Variants in DNAH10 observed in about 807,000 individuals in gnomAD.
The protein encoded by DNAH10 is dynein axonemal heavy chain 10, also known as axonemal beta dynein heavy chain 10.
Under a neutral mutation model 506.6 loss-of-function variants are expected in DNAH10, and 348 were observed. The observed-to-expected ratio is 0.69, with a 90% CI of 0.63 to 0.75. The LOEUF (loss-of-function observed/expected upper bound fraction) is 0.75, where lower values mean the gene tolerates loss of function less well. Among genes scored for constraint, DNAH10 ranks in the 30% least tolerant of loss-of-function variants. The pLI, the probability that DNAH10 is intolerant of heterozygous loss-of-function variation, is 0.00. For missense variants in DNAH10, 5,179 were observed against 5,787.1 expected, an observed-to-expected ratio of 0.89 and a Z score of 3.41; for synonymous variants, 2,059 against 2,198.6, an observed-to-expected ratio of 0.94 and a Z score of 1.78.
At chr12:123,794,540 A>G (rs1241095277) in intron 12 of DNAH10, among the ~76,000 whole-genome samples, 1 of 152,178 alleles carries the variant, frequency 6.6e-6, no homozygotes, top group Non-Finnish European at 1.5e-5. Context: ...AGTTGGAGAA[A>G]TAGACCAAAA....
intron 67 of DNAH10, among the ~76,000 whole-genome samples, 175 bp downstream of exon 67, chr12:123,924,607 G>T (rs1257398795): frequency 6.6e-6 from 1 of 152,076 alleles, no homozygotes; most frequent in East Asian, 1.9e-4. Context: ...TCAGCTAGTT[G>T]TATGGGAGAT....
chr12:123,867,956 C>T lies in DNAH10; in HGVS notation c.7356C>T (p.Asp2452=), dbSNP rs1469893902. ...CGTTGCTAGAAGGAGAAATAGAAGA[C>T]CTTGACCTGCTGGAGTGCTACTTCC... ...LDALLEGEIE[D]LDLLECYFLE... Residue 2452 remains aspartate (D), a synonymous_variant, in exon 43 of 79, where the codon GAC becomes GAT. Transcript: ENST00000673944. 1 of 1,613,918 alleles carries T rather than the reference C, an allele frequency of 6.2e-7. No homozygotes were observed. Among genetic ancestry groups the T allele is most frequent in the Non-Finnish European group, 8.5e-7 (1 of 1,179,876 alleles).
At chr12:123,779,276 A>G (rs989799520) in intron 5 of DNAH10, among the ~76,000 whole-genome samples, 3 of 152,072 alleles carry the variant, frequency 2.0e-5, no homozygotes, top group African/African-American at 7.2e-5. Context: ...CCTGGGCTCA[A>G]GAGATTTTCC....
At chr12:123,804,442 G>A (rs772141911) in intron 17 of DNAH10, among the ~76,000 whole-genome samples, 4 of 151,574 alleles carry the variant, frequency 2.6e-5, no homozygotes, top group East Asian at 3.9e-4. Context: ...GGAGAATGGC[G>A]TGAACCTGGG....
chr12:123,872,114 T>A (rs1336615005), intron 45 of DNAH10, among the ~76,000 whole-genome samples: 1 of 152,096 alleles, frequency 6.6e-6, no homozygotes, highest in East Asian at 1.9e-4. Flanking sequence ...GGGGCCCTTT[T>A]GGAGGCTGGC....
intron 65 of DNAH10, 88 bp from the exon 66 acceptor site, chr12:123,923,675 C>G (rs1294585910): frequency 2.4e-6 from 2 of 821,130 alleles, no homozygotes; most frequent in East Asian, 2.7e-5. Context: ...TTTCATTTAT[C>G]TTACGTTTAA....
chr12:123,779,995 G>A (rs1374921538), intron 5 of DNAH10, among the ~76,000 whole-genome samples: 1 of 152,140 alleles, frequency 6.6e-6, no homozygotes, highest in Non-Finnish European at 1.5e-5. Context: ...TTGTATTCAG[G>A]TGACTTCATA....
At chr12:123,848,634 A>G in intron 33 of DNAH10, 96 bp from the exon 34 acceptor site, 1 of 1,492,046 alleles carries the variant, frequency 6.7e-7, no homozygotes, top group Non-Finnish European at 9.1e-7. Context: ...CAGTGATCTC[A>G]TTGTTTGCTT....
intron 19 of DNAH10, among the ~76,000 whole-genome samples, chr12:123,811,746 G>T (rs1013253508): frequency 1.5e-4 from 23 of 151,990 alleles, no homozygotes; most frequent in Admixed American, 1.0e-3. Context: ...CTTGTGATCC[G>T]CCCACCTCGG....
chr12:123,888,176 C>T (rs1952823201), intron 52 of DNAH10, among the ~76,000 whole-genome samples: 1 of 152,072 alleles, frequency 6.6e-6, no homozygotes. Context: ...TTATGGCACT[C>T]CAGCCTGGGC....
chr12:123,846,082 C>T lies in DNAH10; in HGVS notation c.5742C>T (p.Tyr1914=), dbSNP rs372145244. The change falls in exon 32 of 79, where the codon TAC becomes TAT. Residue 1914 remains tyrosine, a synonymous_variant. Coordinates refer to ENST00000673944, the MANE Select transcript of DNAH10 (RefSeq NM_001372106.1). This position sits in a 1 kb window ranked among gnomAD's most constrained non-coding sequence, Gnocchi z 4.5. ...GCACGGGAACCTTTGGCTACGGCTA[C>T]GAGTACATGGGCCTGAACGGCAGGC... ...RQCTGTFGYG[Y]EYMGLNGRLV... 3.5e-5 allele frequency: 57 copies of T among 1,613,830 alleles called. No homozygotes were observed. The African/African-American group carries it at 3.6e-4, about 10-fold the overall frequency.
chr12:123,793,779 T>C (rs1036377255), intron 11 of DNAH10, among the ~76,000 whole-genome samples, 163 bp from the exon 12 acceptor site: 1 of 152,204 alleles, frequency 6.6e-6, no homozygotes, highest in Non-Finnish European at 1.5e-5. Flanking sequence ...GATCAGGAAA[T>C]CAACATAGCC....
intron 15 of DNAH10, among the ~76,000 whole-genome samples, chr12:123,800,699 G>GA (rs919337123): frequency 3.3e-5 from 5 of 150,034 alleles, no homozygotes; most frequent in East Asian, 2.0e-4. Context: ...AAAAAAAGAA[G>GA]AAAAAAAAAT....
rs537244169 is a variant in DNAH10 at position 123,925,303 on chromosome 12, C to T, written c.11921+99C>T. Reference sequence around the variant, plus strand: ...AAGAAAGCAGAGGCTGACCAGCTCCCGAGACAGCTGTCGCCACCCTGCTGT... The same window carrying T: ...AAGAAAGCAGAGGCTGACCAGCTCCTGAGACAGCTGTCGCCACCCTGCTGT... On this transcript the variant is annotated intron_variant, in intron 68 of 78. Transcript: ENST00000673944. This position sits in a 1 kb window ranked among gnomAD's most constrained non-coding sequence, Gnocchi z 4.0. 24 of 1,536,512 alleles carry T rather than the reference C, an allele frequency of 1.6e-5. No homozygotes were observed. Among genetic ancestry groups the T allele is most frequent in the East Asian group, 2.3e-5 (1 of 44,124 alleles).
rs1951879263 is a variant in DNAH10 at position 123,867,995 on chromosome 12, C to G, written c.7395C>G (p.Tyr2465Ter). 6.2e-7 allele frequency: 1 copy of G among 1,613,784 alleles called. No homozygotes were observed. The highest frequency in any genetic ancestry group is 1.3e-5 in the African/African-American group (1 of 74,892). The change falls in exon 43 of 79, where the codon TAC becomes TAG. Residue 2465 changes from tyrosine to a stop codon, truncating the protein, a stop_gained. Coordinates refer to ENST00000673944, the MANE Select transcript of DNAH10 (RefSeq NM_001372106.1). LOFTEE classifies it high-confidence loss of function. ...LLECYFLEAL[Y>*]CSLGASLLED... ...AGTGCTACTTCCTGGAGGCTTTGTA[C>G]TGCTCTCTGGGAGCCTCCCTGCTTG...
rs1953975493 is a variant in DNAH10 at position 123,909,615 on chromosome 12, A to G, written c.9997+173A>G. Among the ~76,000 whole-genome samples, 1 of 152,340 alleles carries G rather than the reference A, an allele frequency of 6.6e-6. No individual in the cohort carries two copies. The highest frequency in any genetic ancestry group is 6.5e-5 in the Admixed American group (1 of 15,306). ...GTCACCAGAGGAAAACAGCAGCCCC[A>G]TGACGTGACCCAGGGAGAGTGGCTG... On this transcript the variant is annotated intron_variant, in intron 58 of 78. Coordinates refer to ENST00000673944, the MANE Select transcript of DNAH10 (RefSeq NM_001372106.1). This position sits in a 1 kb window ranked among gnomAD's most constrained non-coding sequence, Gnocchi z 5.4.
In DNAH10 at chr12:123,903,102, G is replaced by A. The variant is rs993419851; in HGVS notation, c.9804G>A (p.Val3268=). ...LELQKLDKSD[V]TEIRSFAKPP... ...TGCAGAAGCTGGACAAGTCGGACGT[G>A]ACTGAGATTAGGTAATGCACCTGAG... is the stretch of plus-strand genomic sequence containing the variant. The change falls in exon 57 of 79, where the codon GTG becomes GTA. Residue 3268 remains valine, a synonymous_variant. Transcript: ENST00000673944. This position sits in a 1 kb window ranked among gnomAD's most constrained non-coding sequence, Gnocchi z 4.6. 1.9e-6 allele frequency: 3 copies of A among 1,609,690 alleles called. No homozygotes were observed. In the African/African-American group the frequency reaches 4.0e-5, roughly 22 times the overall value.
At chr12:123,929,523 G>A (rs2137697775) in intron 71 of DNAH10, 39 bp downstream of exon 71, 1 of 1,598,678 alleles carries the variant, frequency 6.3e-7, no homozygotes, top group South Asian at 1.1e-5. Flanking sequence ...GGCTTCCTTA[G>A]GCGGCCCACT....
At position 123,928,507 on chromosome 12, in the gene DNAH10, C is replaced by A; in HGVS notation, c.12226C>A (p.Pro4076Thr). ...GAAGTCCCTGGAGAGGATCACCAAGCCCCACCCAGACTTCCGCCTGTGGCT... is the reference window on the plus strand; with the variant it reads ...GAAGTCCCTGGAGAGGATCACCAAGACCCACCCAGACTTCCGCCTGTGGCT... ...LEKSLERITK[P>T]HPDFRLWLTT... Residue 4076 changes from proline (P) to threonine (T), a missense_variant, in exon 70 of 79, where the codon CCC (proline) becomes ACC (threonine). Pro to Thr is a conservative substitution (Grantham distance 38, BLOSUM62 -1). Around this residue, in one of 3 missense-constraint regions of DNAH10, gnomAD observed 4,844 missense variants for 5,430.5 expected, o/e 0.89. Transcript: ENST00000673944. This position sits in a 1 kb window ranked among gnomAD's most constrained non-coding sequence, Gnocchi z 4.9. 6.2e-7 allele frequency: 1 copy of A among 1,611,486 alleles called. No individual in the cohort carries two copies.
Sources: gnomAD v4.1 joint callset for allele counts (sites outside exome capture counted in the v4.1 genomes callset) on GRCh38, gnomAD v4.1.1 for gene constraint, gnomAD v4.1.1 regional missense constraint, Gnocchi (gnomAD v3.1) non-coding constraint, MANE v1.5 for transcripts, NCBI Gene and HGNC (gene_info 2026-07-23, HGNC 2026-07-21) for gene names.